The following TENM2 variants were observed in gnomAD, a reference collection of about 807,000 sequenced individuals.
TENM2 encodes the protein teneurin-2.
A neutral mutation model predicts 245.2 loss-of-function variants in TENM2; 52 were observed. The ratio of observed to expected loss-of-function variants is 0.21; its 90% CI spans 0.17 to 0.27. The LOEUF (loss-of-function observed/expected upper bound fraction) is 0.27, where lower values mean the gene tolerates loss of function less well. TENM2 is among the 10% of genes least tolerant of loss of function. The probability of loss-of-function intolerance (pLI) is 1.00; values close to 1 mark genes in which losing one functional copy is unlikely to be tolerated. For missense variants in TENM2, 3,046 were observed against 3,666.8 expected (o/e 0.83, Z 4.37); for synonymous variants, 1,363 against 1,438.9 (o/e 0.95, Z 1.19).
chr5:168,087,854 C>T (rs2152234066), intron 7 of TENM2, among the ~76,000 whole-genome samples: 1 of 152,158 alleles, frequency 6.6e-6, no homozygotes, highest in South Asian at 2.1e-4. Context: ...AGGATTGAGA[C>T]ACATCAGACA....
intron 2 of TENM2, among the ~76,000 whole-genome samples, chr5:167,632,093 C>T (rs1459538836): frequency 6.6e-6 from 1 of 152,168 alleles, no homozygotes; most frequent in Non-Finnish European, 1.5e-5. Flanking sequence ...CATCTCACAT[C>T]TGCAGCAATC....
chr5:167,404,766 TG>T (rs1288487097), intron 2 of TENM2, among the ~76,000 whole-genome samples: 11 of 152,162 alleles, frequency 7.2e-5, no homozygotes, highest in Admixed American at 2.0e-4. Flanking sequence ...ACTTATTTTT[TG>T]TAACAGCATG....
the TENM2 span, among the ~76,000 whole-genome samples, chr5:167,027,382 G>A: frequency 6.6e-6 from 1 of 152,128 alleles, no homozygotes; most frequent in South Asian, 2.1e-4. Context: ...TAGATATTGA[G>A]GAAGTTTCTA....
chr5:167,122,021 T>A, the TENM2 span, among the ~76,000 whole-genome samples: 13 of 152,336 alleles, frequency 8.5e-5, no homozygotes, highest in Non-Finnish European at 1.5e-4. Context: ...TAGCTATAGC[T>A]ATTTTTTTTC....
At chr5:167,813,387 GCACACA>G (rs142804283) in intron 2 of TENM2, among the ~76,000 whole-genome samples, 20,240 of 145,432 alleles carry the variant, frequency 0.14, 2,273 homozygotes, top group African/African-American at 0.32. Flanking sequence ...TACAAGTTCT[GCACACA>G]CACACACACA....
chr5:168,239,114 G>C (rs111488978), intron 25 of TENM2, among the ~76,000 whole-genome samples: 33 of 152,026 alleles, frequency 2.2e-4, no homozygotes, highest in African/African-American at 7.7e-4. Flanking sequence ...GCTCTAAACT[G>C]GGGGGGCAGG....
Position 167,285,081 on chromosome 5 carries a change from T to C in TENM2, c.226+18T>C. On this transcript the variant is annotated intron_variant, in intron 1 of 28. Transcript: ENST00000518659. The stretch of plus-strand genomic sequence containing the variant: ...TAGACAAGGTTTGTAGGGTTTCCCC[T>C]GCTGATTTGCTCTCAACTGTCTAAC... 1 of 1,525,620 alleles carries C rather than the reference T, an allele frequency of 6.6e-7. No homozygotes were observed. The highest frequency in any genetic ancestry group is 8.9e-7 in the Non-Finnish European group (1 of 1,123,094). The allele number at this position is 1,525,620 out of a possible 1,614,324, so 94.5% of individuals were successfully genotyped here.
intron 3 of TENM2, 39 bp downstream of exon 5, chr5:167,876,234 G>C: frequency 6.8e-7 from 1 of 1,470,914 alleles, no homozygotes; most frequent in East Asian, 2.5e-5. Flanking sequence ...GTGGTGTTTC[G>C]TGAGTGACAT....
At chr5:167,627,497 G>T (rs1778585682) in intron 2 of TENM2, among the ~76,000 whole-genome samples, 1 of 151,740 alleles carries the variant, frequency 6.6e-6, no homozygotes, top group Admixed American at 6.6e-5. Context: ...ACCCCAGTAA[G>T]TCTTTATAAA....
In TENM2 at chr5:168,218,915, T is replaced by C. The variant is rs1224166285; in HGVS notation, c.5024T>C (p.Leu1675Pro). 2.5e-6 allele frequency: 4 copies of C among 1,613,942 alleles called. No individual in the cohort carries two copies. In the South Asian group the frequency reaches 4.4e-5, roughly 18 times the overall value. ...CTCAAAGTCGTGTCCACACAGAACC[T>C]GGAGCTTGGTCTCATGACCTATGAT... The change falls in exon 23 of 29, where the codon CTG (leucine) becomes CCG (proline). Residue 1675 changes from leucine (L) to proline (P), a missense_variant. Physicochemically the swap from Leu to Pro is moderately conservative, Grantham distance 98. Around this residue, in one of 2 missense-constraint regions of TENM2, gnomAD observed 2,704 missense variants for 3,331.9 expected, o/e 0.81. Transcript: ENST00000518659. This position sits in a 1 kb window ranked among gnomAD's most constrained non-coding sequence, Gnocchi z 5.2.
chr5:167,920,861 G>A (rs1006189852), intron 3 of TENM2, among the ~76,000 whole-genome samples: 2 of 152,138 alleles, frequency 1.3e-5, no homozygotes, highest in South Asian at 2.1e-4. Context: ...AAGAATCAGC[G>A]ACAATAAAAA....
intron 1 of TENM2, among the ~76,000 whole-genome samples, chr5:167,309,579 C>G (rs1391866000): frequency 6.6e-6 from 1 of 152,160 alleles, no homozygotes; most frequent in African/African-American, 2.4e-5. Flanking sequence ...TATCCTCACC[C>G]CTTTCAAACC....
At chr5:168,043,742 G>A (rs575772695) in intron 5 of TENM2, among the ~76,000 whole-genome samples, 52 of 152,304 alleles carry the variant, frequency 3.4e-4, no homozygotes, top group African/African-American at 1.2e-3. Flanking sequence ...AGCCATGGCT[G>A]TAGCCCACGT....
intron 25 of TENM2, among the ~76,000 whole-genome samples, chr5:168,229,151 C>T (rs573115254): frequency 3.4e-5 from 5 of 148,552 alleles, no homozygotes; most frequent in South Asian, 4.2e-4. Flanking sequence ...AATAGCCCCA[C>T]GAGGATAATT....
chr5:167,882,064 T>C (rs1226002874), intron 3 of TENM2, among the ~76,000 whole-genome samples: 1 of 152,202 alleles, frequency 6.6e-6, no homozygotes, highest in Non-Finnish European at 1.5e-5. Context: ...ACCTTCCTAA[T>C]TGCAGAGACT....
chr5:167,114,399 T>C, the TENM2 span, among the ~76,000 whole-genome samples: 12 of 152,306 alleles, frequency 7.9e-5, no homozygotes, highest in African/African-American at 2.9e-4. Context: ...TTCAGCCAAC[T>C]CTTAGAATTA....
chr5:167,395,664 A>G (rs1762010212), intron 2 of TENM2, among the ~76,000 whole-genome samples: 1 of 152,152 alleles, frequency 6.6e-6, no homozygotes, highest in South Asian at 2.1e-4. Context: ...TCTCATCAAT[A>G]AGTTCTTGGA....
chr5:168,181,669 C>A (rs1355561302), intron 13 of TENM2, among the ~76,000 whole-genome samples: 2 of 78,892 alleles, frequency 2.5e-5, no homozygotes, highest in East Asian at 3.7e-4. Context: ...AGTTTTACTT[C>A]TTTTTTTTTT....
the TENM2 span, among the ~76,000 whole-genome samples, chr5:167,270,073 A>C: frequency 6.6e-6 from 1 of 152,162 alleles, no homozygotes; most frequent in African/African-American, 2.4e-5. Flanking sequence ...CATCTAATTT[A>C]AGAATGAGTG....
Sources: allele counts gnomAD v4.1 joint callset (sites outside exome capture counted in the v4.1 genomes callset), GRCh38; gene constraint gnomAD v4.1.1; regional missense constraint gnomAD v4.1.1; non-coding constraint Gnocchi (gnomAD v3.1); transcripts MANE v1.5; gene names NCBI Gene and HGNC (gene_info 2026-07-23, HGNC 2026-07-21).